CDC25C: variants seen among roughly 807,000 people sequenced by gnomAD.
CDC25C encodes cell division cycle 25C.
CDC25C carries 48 observed loss-of-function variants against 52.5 expected under a neutral mutation model. The ratio of observed to expected loss-of-function variants is 0.91; its 90% CI spans 0.72 to 1.16. The LOEUF is 1.16. CDC25C is among the 50% of genes most tolerant of loss of function. The probability of loss-of-function intolerance (pLI) is 0.00; values close to 1 mark genes in which losing one functional copy is unlikely to be tolerated. For missense variants in CDC25C, 510 were observed against 566.1 expected, an observed-to-expected ratio of 0.90 and a Z score of 1.01; for synonymous variants, 187 against 206.5, an observed-to-expected ratio of 0.91 and a Z score of 0.81.
chr5:138,307,919 A>T (rs1257982449), intron 7 of CDC25C, among the ~76,000 whole-genome samples: 2 of 152,094 alleles, frequency 1.3e-5, no homozygotes, highest in East Asian at 3.8e-4. Context: ...TCAGGATGAA[A>T]CTGTTTCACC....
chr5:138,329,469 C>A, intron 3 of CDC25C, 84 bp downstream of exon 3: 1 of 879,720 alleles, frequency 1.1e-6, no homozygotes, highest in Non-Finnish European at 1.9e-6. Context: ...ATACTTTCAC[C>A]ACCTTCCGTC....
intron 11 of CDC25C, 141 bp downstream of exon 11, chr5:138,287,028 T>G: frequency 1.7e-6 from 1 of 588,428 alleles, no homozygotes; most frequent in Non-Finnish European, 3.0e-6. Flanking sequence ...ATTAAAACAA[T>G]GAGGACCTCA....
intron 7 of CDC25C, among the ~76,000 whole-genome samples, chr5:138,297,914 G>A (rs1257074025): frequency 6.6e-6 from 1 of 152,088 alleles, no homozygotes; most frequent in African/African-American, 2.4e-5. Flanking sequence ...GGGGAAGAAA[G>A]TTCTAGGATG....
At chr5:138,317,069 C>T (rs1758933731) in intron 7 of CDC25C, among the ~76,000 whole-genome samples, 2 of 152,074 alleles carry the variant, frequency 1.3e-5, no homozygotes, top group African/African-American at 4.8e-5. Flanking sequence ...GCTTGGGCAA[C>T]ACATCAAGAC....
chr5:138,329,143 C>A (rs1580822663), intron 3 of CDC25C, among the ~76,000 whole-genome samples: 1 of 151,946 alleles, frequency 6.6e-6, no homozygotes. Flanking sequence ...GACCTCGTGA[C>A]CCGCCCGCCT....
chr5:138,285,813 G>GGGCA lies in CDC25C; in HGVS notation c.1297_1300dup (p.Pro434LeufsTer11). ...AGTCTTGTGGTCCTGATGATGCATA[G>GGGCA]GGCAGTAGCTCTGTGGTTCACACAG... On this transcript the variant is annotated frameshift_variant, in exon 14 of 14. Transcript: ENST00000323760. LOFTEE classifies it high-confidence loss of function. 6.2e-7 allele frequency: 1 copy of GGGCA among 1,614,170 alleles called. No homozygotes were observed. Among genetic ancestry groups the GGGCA allele is most frequent in the African/African-American group, 1.3e-5 (1 of 75,046 alleles).
chr5:138,330,525 T>G (rs1397526079), intron 2 of CDC25C, among the ~76,000 whole-genome samples: 1 of 152,204 alleles, frequency 6.6e-6, no homozygotes, highest in Non-Finnish European at 1.5e-5. Flanking sequence ...CTTTTCTTTT[T>G]GAGATAGAGT....
At chr5:138,336,461 ATTGT>A (rs1203206574), upstream of CDC25C, among the ~76,000 whole-genome samples, 6 of 152,142 alleles carry the variant, frequency 3.9e-5, no homozygotes, top group African/African-American at 7.2e-5. Flanking sequence ...AGATGGGAAG[ATTGT>A]TTGAGGCCAG....
chr5:138,320,647 CT>C (rs1203394632), intron 6 of CDC25C, among the ~76,000 whole-genome samples: 1 of 151,892 alleles, frequency 6.6e-6, no homozygotes, highest in African/African-American at 2.4e-5. Flanking sequence ...TGGCAAAACC[CT>C]GATTCTACAA....
intron 7 of CDC25C, among the ~76,000 whole-genome samples, chr5:138,316,735 A>T (rs1758905033): frequency 6.6e-6 from 1 of 152,106 alleles, no homozygotes; most frequent in Non-Finnish European, 1.5e-5. Context: ...GTCTGCTGAA[A>T]GCTGGGAAAT....
chr5:138,286,103 A>G lies in CDC25C; in HGVS notation c.1191T>C (p.Ser397=), dbSNP rs773165803. The G allele has an allele frequency of 6.2e-7, 1 of 1,614,052 alleles. No homozygotes were observed. Residue 397 remains serine (S), a synonymous_variant, in exon 13 of 14, where the codon TCT becomes TCC. Transcript: ENST00000323760. ...AGTACAATGCAGGATACTGGTTCAG[A>G]GACCTGTCCTCTTCACGCAGACAGC... ...MCRCLREEDR[S]LNQYPALYYP...
chr5:138,326,952 CAAAAAAAA>C (rs1208599313), intron 4 of CDC25C, among the ~76,000 whole-genome samples: 1 of 61,406 alleles, frequency 1.6e-5, no homozygotes, highest in African/African-American at 8.1e-5. Flanking sequence ...AACTCCGTCT[CAAAAAAAA>C]AAAAAAAAAA....
intron 6 of CDC25C, among the ~76,000 whole-genome samples, chr5:138,324,589 C>T (rs1367051219): frequency 6.6e-6 from 1 of 152,008 alleles, no homozygotes; most frequent in African/African-American, 2.4e-5. Flanking sequence ...GAAACCCTGT[C>T]TCTACTAAAA....
intron 7 of CDC25C, among the ~76,000 whole-genome samples, chr5:138,314,040 G>T (rs545456795): frequency 7.7e-6 from 1 of 129,068 alleles, no homozygotes; most frequent in East Asian, 2.2e-4. Context: ...GTCGCACCCA[G>T]GCTGGAGTGC....
chr5:138,338,065 C>T (rs1317832272), exon 1 of CDC25C: 3 of 1,289,794 alleles, frequency 2.3e-6, no homozygotes, highest in South Asian at 2.5e-5. Flanking sequence ...GAAACCACCC[C>T]CATCCCTAAA....
Position 138,329,554 on chromosome 5 carries a change from A to G in CDC25C, c.288T>C (p.Thr96=). The change falls in exon 3 of 14, where the codon ACT becomes ACC. Residue 96 remains threonine (T), a splice_region_variant and synonymous_variant. Transcript: ENST00000323760. Reference sequence around the variant, plus strand: ...GGCCTTTATCTCCCTTCTCCCTACCAGTTTCATCAAGGTCTGCAGAAGTGG... The same window carrying G: ...GGCCTTTATCTCCCTTCTCCCTACCGGTTTCATCAAGGTCTGCAGAAGTGG... ...QLTTSADLDE[T]GHLDSSGLQE... 2 of 1,589,774 alleles carry G rather than the reference A, an allele frequency of 1.3e-6. No individual in the cohort carries two copies. Among genetic ancestry groups the G allele is most frequent in the South Asian group, 1.1e-5 (1 of 90,374 alleles).
At chr5:138,288,135 G>A (rs1018646178) in intron 10 of CDC25C, among the ~76,000 whole-genome samples, 8 of 151,942 alleles carry the variant, frequency 5.3e-5, no homozygotes, top group Admixed American at 1.3e-4. Flanking sequence ...GAGTACAATG[G>A]TGCCATCTTG....
chr5:138,317,700 A>AAAAG (rs1429152480), intron 7 of CDC25C, among the ~76,000 whole-genome samples: 1 of 150,706 alleles, frequency 6.6e-6, no homozygotes, highest in African/African-American at 2.4e-5. Flanking sequence ...AAAAAAAAAA[A>AAAAG]AAAAAAACCA....
chr5:138,288,822 CACT>C (rs1756473865), intron 10 of CDC25C, among the ~76,000 whole-genome samples: 1 of 152,136 alleles, frequency 6.6e-6, no homozygotes, highest in African/African-American at 2.4e-5. Context: ...TGAAAGCAAA[CACT>C]ATTAATAATT....
Sources: allele counts gnomAD v4.1 joint callset (sites outside exome capture counted in the v4.1 genomes callset), GRCh38; gene constraint gnomAD v4.1.1; transcripts MANE v1.5; gene names NCBI Gene and HGNC (gene_info 2026-07-23, HGNC 2026-07-21).